The following CEP55 variants were observed in gnomAD, a reference collection of about 807,000 sequenced individuals.
The protein encoded by CEP55 is centrosomal protein 55, also known as centrosomal protein of 55 kDa.
CEP55 carries 57 observed loss-of-function variants against 63.2 expected under a neutral mutation model. The observed-to-expected ratio is 0.90, with a 90% CI of 0.73 to 1.13. The LOEUF (loss-of-function observed/expected upper bound fraction) is 1.13. CEP55 is among the 50% of genes most tolerant of loss of function. CEP55 has a pLI of 0.00. For missense variants in CEP55, 456 were observed against 518.9 expected (o/e 0.88, Z 1.18); for synonymous variants, 178 against 191.6 (o/e 0.93, Z 0.59).
At position 93,507,190 on chromosome 10, in the gene CEP55, A is replaced by G. The variant is rs558722833; in HGVS notation, c.528+134A>G. ...GAGAGCTTCATTTAAGTCTCTTTCT[A>G]TACATTCGAGAATCATTTCTTCTAA... On this transcript the variant is annotated intron_variant, in intron 4 of 8. Transcript: ENST00000371485. The G allele has an allele frequency of 8.9e-6, 5 of 561,966 alleles. No homozygotes were observed. The Admixed American group carries it at 1.4e-4, about 16-fold the overall frequency. The allele number at this position is 561,966 out of a possible 1,614,324, so 34.8% of individuals were successfully genotyped here. A position where few individuals can be genotyped will look rare whatever the true frequency, so the allele number is the denominator to read the frequency against.
chr10:93,501,174 G>A (rs1028047892), intron 2 of CEP55, among the ~76,000 whole-genome samples: 82 of 152,112 alleles, frequency 5.4e-4, no homozygotes, highest in African/African-American at 1.9e-3. Context: ...AAGTAATTCT[G>A]GTTTTCAGGC....
At position 93,518,874 on chromosome 10, in the gene CEP55, C is replaced by A; in HGVS notation, c.994-3C>A. On this transcript the variant is annotated splice_polypyrimidine_tract_variant and splice_region_variant and intron_variant, in intron 6 of 8. Coordinates refer to ENST00000371485, the MANE Select transcript of CEP55 (RefSeq NM_018131.5). ...CAGCATTGGTTCTCTTTATGTCCTA[C>A]AGGTCCAGTTTCTTTACACATCTCT... The A allele has an allele frequency of 6.2e-7, 1 of 1,600,726 alleles. No individual in the cohort carries two copies. The highest frequency in any genetic ancestry group is 8.5e-7 in the Non-Finnish European group (1 of 1,170,554).
chr10:93,508,801 C>G (rs572592202), intron 4 of CEP55, among the ~76,000 whole-genome samples: 14 of 152,310 alleles, frequency 9.2e-5, no homozygotes, highest in Non-Finnish European at 1.9e-4. Flanking sequence ...GGCTGCCTGA[C>G]CACTTTGTCT....
rs768016032 is a variant in CEP55, at chr10:93,519,748, C to T, written c.1132C>T (p.His378Tyr). 2 of 1,614,080 alleles carry T rather than the reference C, an allele frequency of 1.2e-6. No individual in the cohort carries two copies. Among genetic ancestry groups the T allele is most frequent in the Non-Finnish European group, 1.7e-6 (2 of 1,179,936 alleles). Residue 378 changes from histidine to tyrosine, a missense_variant, in exon 8 of 9, where the codon CAT (histidine) becomes TAT (tyrosine). Coordinates refer to ENST00000371485, the MANE Select transcript of CEP55 (RefSeq NM_018131.5). ...LDRQHVQHQL[H>Y]VILKELRKAR... is the part of the protein sequence containing the mutation. ...CCGTCAACATGTGCAGCATCAATTGCATGTAATTCTTAAGGAGCTCCGAAA... is the reference window on the plus strand; with the variant it reads ...CCGTCAACATGTGCAGCATCAATTGTATGTAATTCTTAAGGAGCTCCGAAA...
chr10:93,516,639 A>G (rs2057806124), intron 5 of CEP55, among the ~76,000 whole-genome samples: 2 of 152,176 alleles, frequency 1.3e-5, no homozygotes, highest in African/African-American at 4.8e-5. Context: ...AGTTATCTCC[A>G]CATATAAATA....
In CEP55 at chr10:93,505,132, A is replaced by G. The variant is rs1402541269; in HGVS notation, c.459+1744A>G. On this transcript the variant is annotated intron_variant, in intron 3 of 8. Transcript: ENST00000371485. Reference sequence around the variant, plus strand: ...TGGCCTGAAATTATAATTTTTAAAAATGTATTCTTATAATAATTTTGTGGG... The same window carrying G: ...TGGCCTGAAATTATAATTTTTAAAAGTGTATTCTTATAATAATTTTGTGGG... Among the ~76,000 whole-genome samples, 6 of 152,332 alleles carry G rather than the reference A, an allele frequency of 3.9e-5. No individual in the cohort carries two copies. The East Asian group carries it at 1.2e-3, about 29-fold the overall frequency.
Position 93,528,300 on chromosome 10 carries a change from T to C in CEP55, c.*147T>C. On this transcript the variant is annotated 3_prime_UTR_variant, in exon 9 of 9. Coordinates refer to ENST00000371485, the MANE Select transcript of CEP55 (RefSeq NM_018131.5). Reference sequence around the variant, plus strand: ...AGCATGCTAGTGAATCATGTATCTTTTAGGCTGCTGTGCATTTCTCTTGGC... The same window carrying C: ...AGCATGCTAGTGAATCATGTATCTTCTAGGCTGCTGTGCATTTCTCTTGGC... 1.5e-6 allele frequency: 1 copy of C among 664,996 alleles called. No homozygotes were observed. Among genetic ancestry groups the C allele is most frequent in the South Asian group, 1.9e-5 (1 of 52,462 alleles). The allele number at this position is 664,996 out of a possible 1,614,324, so 41.2% of individuals were successfully genotyped here.
chr10:93,522,705 C>T (rs1237962250), intron 8 of CEP55, among the ~76,000 whole-genome samples: 3 of 152,146 alleles, frequency 2.0e-5, no homozygotes, highest in East Asian at 3.8e-4. Flanking sequence ...GGGTTACCCA[C>T]AAAGGGAAGC....
At chr10:93,521,459 G>A (rs1261289305) in intron 8 of CEP55, among the ~76,000 whole-genome samples, 5 of 152,206 alleles carry the variant, frequency 3.3e-5, no homozygotes, top group Non-Finnish European at 5.9e-5. Flanking sequence ...AGCTCGAACT[G>A]GGTGGAGCCC....
Position 93,503,109 on chromosome 10 carries a change from C to A in CEP55, c.184-4C>A. ...TTCTAAGATTCTTCTTAGTTTATGT[C>A]TAGAAAATTCGAGTCCTTGAGGCTG... On this transcript the variant is annotated splice_polypyrimidine_tract_variant and splice_region_variant and intron_variant, in intron 2 of 8. Coordinates refer to ENST00000371485, the MANE Select transcript of CEP55 (RefSeq NM_018131.5). The A allele has an allele frequency of 1.2e-6, 2 of 1,609,320 alleles. No individual in the cohort carries two copies. The highest frequency in any genetic ancestry group is 1.1e-5 in the South Asian group (1 of 90,394).
intron 5 of CEP55, among the ~76,000 whole-genome samples, chr10:93,516,308 T>C (rs2057802698): frequency 6.6e-6 from 1 of 152,182 alleles, no homozygotes. Flanking sequence ...ACAAAGCTAA[T>C]GCTAAAAAGA....
chr10:93,512,747 T>C (rs1458171797), intron 4 of CEP55, among the ~76,000 whole-genome samples: 3 of 152,126 alleles, frequency 2.0e-5, no homozygotes, highest in Non-Finnish European at 4.4e-5. Context: ...TTCTCATGAG[T>C]CCTTTCTTTT....
At position 93,518,856 on chromosome 10, in the gene CEP55, G is replaced by T. The variant is rs553944695; in HGVS notation, c.994-21G>T. On this transcript the variant is annotated intron_variant, in intron 6 of 8. Coordinates refer to ENST00000371485, the MANE Select transcript of CEP55 (RefSeq NM_018131.5). Reference sequence around the variant, plus strand: ...GGAAAAGGTTGGATGTGACAGCATTGGTTCTCTTTATGTCCTACAGGTCCA... The same window carrying T: ...GGAAAAGGTTGGATGTGACAGCATTTGTTCTCTTTATGTCCTACAGGTCCA... The T allele has an allele frequency of 3.2e-6, 5 of 1,562,180 alleles. No individual in the cohort carries two copies. The South Asian group carries it at 5.8e-5, about 18-fold the overall frequency.
chr10:93,523,585 G>C (rs544440347), intron 8 of CEP55, among the ~76,000 whole-genome samples: 1 of 152,130 alleles, frequency 6.6e-6, no homozygotes, highest in African/African-American at 2.4e-5. Flanking sequence ...TGCACCAAGC[G>C]GACCTAATAG....
intron 4 of CEP55, among the ~76,000 whole-genome samples, chr10:93,511,793 G>A (rs896643627): frequency 9.9e-5 from 15 of 151,710 alleles, no homozygotes; most frequent in South Asian, 2.1e-4. Flanking sequence ...TAGTAGAGAC[G>A]GGGTTTCACC....
chr10:93,522,667 A>AT (rs1408487597), intron 8 of CEP55, among the ~76,000 whole-genome samples: 2 of 152,224 alleles, frequency 1.3e-5, no homozygotes, highest in African/African-American at 4.8e-5. Flanking sequence ...GAAGGAAAAA[A>AT]TGTTAAGGGC....
chr10:93,503,852 A>G (rs1007709843), intron 3 of CEP55, among the ~76,000 whole-genome samples: 25 of 152,236 alleles, frequency 1.6e-4, no homozygotes, highest in African/African-American at 5.5e-4. Context: ...AGAAATAGAC[A>G]TGTGAGTTCA....
At position 93,528,118 on chromosome 10, in the gene CEP55, G is replaced by A. The variant is rs1353427613; in HGVS notation, c.1360G>A (p.Asp454Asn). The A allele has an allele frequency of 1.9e-6, 3 of 1,614,002 alleles. No individual in the cohort carries two copies. Among genetic ancestry groups the A allele is most frequent in the South Asian group, 2.2e-5 (2 of 91,080 alleles). The change falls in exon 9 of 9, where the codon GAT becomes AAT. Residue 454 changes from aspartate to asparagine, a missense_variant. Physicochemically the swap from Asp to Asn is conservative, Grantham distance 23. Transcript: ENST00000371485. ...ACAGTATCCAGCCACTGAGCATCGC[G>A]ATCTGCTTGTCCATGTGGAATACTG... is the stretch of plus-strand genomic sequence containing the variant. Reference protein sequence around the residue: ...NIQYPATEHRDLLVHVEYCSK With the variant: ...NIQYPATEHRNLLVHVEYCSK
chr10:93,520,180 C>T (rs1028549390), intron 8 of CEP55: 52 of 222,112 alleles, frequency 2.3e-4, no homozygotes, highest in Middle Eastern at 3.8e-3. Flanking sequence ...TTAATCCCAG[C>T]GCTTTGGGAG....
Sources: allele counts gnomAD v4.1 joint callset (sites outside exome capture counted in the v4.1 genomes callset), GRCh38; gene constraint gnomAD v4.1.1; transcripts MANE v1.5; gene names NCBI Gene and HGNC (gene_info 2026-07-23, HGNC 2026-07-21).